DLGAP2: variants seen among roughly 807,000 people sequenced by gnomAD.
The protein encoded by DLGAP2 is DLG associated protein 2.
A neutral mutation model predicts 100.3 loss-of-function variants in DLGAP2; 26 were observed. The ratio of observed to expected loss-of-function variants is 0.26; its 90% CI spans 0.19 to 0.36. The LOEUF (loss-of-function observed/expected upper bound fraction) is 0.36, where lower values mean the gene tolerates loss of function less well. Ranked by LOEUF, DLGAP2 falls within the 10% of genes least tolerant of loss-of-function variation. The pLI, the probability that DLGAP2 is intolerant of heterozygous loss-of-function variation, is 1.00. For synonymous variants in DLGAP2, 886 were observed against 630.1 expected (o/e 1.41, Z -6.08); for missense variants, 1,858 against 1,453.2 (o/e 1.28, Z -4.53).
intron 3 of DLGAP2, among the ~76,000 whole-genome samples, chr8:1,421,549 T>C (rs1193312772): frequency 6.6e-6 from 1 of 152,226 alleles, no homozygotes; most frequent in Admixed American, 6.5e-5. Flanking sequence ...AATTTAGTTA[T>C]TTCATTAAAG....
chr8:974,817 A>G (rs997141209), intron 2 of DLGAP2, among the ~76,000 whole-genome samples: 3 of 152,212 alleles, frequency 2.0e-5, no homozygotes, highest in Admixed American at 1.3e-4. Context: ...AAAATCAATC[A>G]TCTAAACTTC....
intron 2 of DLGAP2, among the ~76,000 whole-genome samples, chr8:1,177,384 C>T (rs1477468531): frequency 6.6e-6 from 1 of 151,982 alleles, no homozygotes; most frequent in Admixed American, 6.6e-5. Flanking sequence ...AATGTGTGGT[C>T]TCCTGGCCCG....
intron 2 of DLGAP2, among the ~76,000 whole-genome samples, chr8:1,093,470 C>G (rs910674097): frequency 6.6e-6 from 1 of 151,876 alleles, no homozygotes; most frequent in African/African-American, 2.4e-5. Flanking sequence ...AACAGCCAGA[C>G]AGAAACACCT....
chr8:1,671,935 C>T (rs1798700182), intron 10 of DLGAP2, among the ~76,000 whole-genome samples: 1 of 152,268 alleles, frequency 6.6e-6, no homozygotes, highest in African/African-American at 2.4e-5. Flanking sequence ...ACCTCGGAGA[C>T]GTCCTCTGAC....
chr8:1,098,397 G>A (rs957777999), intron 2 of DLGAP2, among the ~76,000 whole-genome samples: 3 of 152,186 alleles, frequency 2.0e-5, no homozygotes, highest in African/African-American at 7.2e-5. Flanking sequence ...GACACCCGAC[G>A]TGTGACTGGC....
intron 1 of DLGAP2, among the ~76,000 whole-genome samples, chr8:884,743 C>G (rs1267094380): frequency 6.6e-6 from 1 of 152,148 alleles, no homozygotes; most frequent in Admixed American, 6.5e-5. Context: ...AGGTTTTCTT[C>G]TAGGATTTTT....
At chr8:1,617,813 A>G (rs977080002) in intron 6 of DLGAP2, among the ~76,000 whole-genome samples, 3 of 152,228 alleles carry the variant, frequency 2.0e-5, no homozygotes, top group Non-Finnish European at 2.9e-5. Context: ...CTAAAGCTCA[A>G]TGTTAAAAAT....
intron 3 of DLGAP2, among the ~76,000 whole-genome samples, chr8:1,384,344 G>A (rs55864518): frequency 0.19 from 22,969 of 121,282 alleles, 2,200 homozygotes; most frequent in Non-Finnish European, 0.2. Flanking sequence ...GCCTGTGCCC[G>A]GCCCCTGAGA....
At chr8:1,645,867 T>G (rs916303667) in intron 8 of DLGAP2, among the ~76,000 whole-genome samples, 1 of 152,224 alleles carries the variant, frequency 6.6e-6, no homozygotes, top group Non-Finnish European at 1.5e-5. Flanking sequence ...CTGTGAAGCA[T>G]CACATGGAAA....
chr8:1,119,289 C>A (rs1563201694), intron 2 of DLGAP2, among the ~76,000 whole-genome samples: 1 of 152,200 alleles, frequency 6.6e-6, no homozygotes, highest in Non-Finnish European at 1.5e-5. Flanking sequence ...ATAATATAAG[C>A]TTGTTAATTC....
At chr8:1,592,568 G>A (rs182760559) in intron 6 of DLGAP2, among the ~76,000 whole-genome samples, 209 of 152,128 alleles carry the variant, frequency 1.4e-3, no homozygotes, top group Non-Finnish European at 2.4e-3. Context: ...CCAGCCGAGG[G>A]GGTTCCCACC....
chr8:1,141,179 C>T (rs1256481639), intron 2 of DLGAP2, among the ~76,000 whole-genome samples: 11 of 152,150 alleles, frequency 7.2e-5, no homozygotes, highest in Non-Finnish European at 1.5e-4. Flanking sequence ...TACGTGGGGG[C>T]TGGGTCATGA....
At chr8:904,125 A>G (rs920891151) in intron 1 of DLGAP2, among the ~76,000 whole-genome samples, 1 of 152,248 alleles carries the variant, frequency 6.6e-6, no homozygotes, top group East Asian at 1.9e-4. Flanking sequence ...TCCACTGCAT[A>G]TGACGAGGCC....
rs116636539 is a variant in DLGAP2, at chr8:1,120,707, G to A, written c.74-138144G>A. The stretch of plus-strand genomic sequence containing the variant: ...GCCTATCCTGGTATCTTTAGAATCC[G>A]TTACCGCCCATTCTAGACTTTGCAG... On this transcript the variant is annotated intron_variant, in intron 2 of 14. Transcript: ENST00000637795. Among the ~76,000 whole-genome samples the A allele has an allele frequency of 2.8e-3, 421 of 151,430 alleles. 2 individuals carry two copies. Among genetic ancestry groups the A allele is most frequent in the African/African-American group, 7.0e-3 (289 of 41,190 alleles).
chr8:1,506,420 G>C (rs564528672), intron 4 of DLGAP2, among the ~76,000 whole-genome samples: 8 of 152,180 alleles, frequency 5.3e-5, no homozygotes, highest in Non-Finnish European at 1.2e-4. Context: ...TTAATGTTCA[G>C]ACGTTTTTGG....
chr8:1,701,032 G>C (rs1799550926), intron 14 of DLGAP2, among the ~76,000 whole-genome samples, 156 bp from the exon 15 acceptor site: 1 of 152,170 alleles, frequency 6.6e-6, no homozygotes, highest in Admixed American at 6.5e-5. Flanking sequence ...TGGCCTGGGA[G>C]CCGGGGACCA....
chr8:1,421,460 A>G (rs1478823739), intron 3 of DLGAP2, among the ~76,000 whole-genome samples: 1 of 152,222 alleles, frequency 6.6e-6, no homozygotes, highest in Non-Finnish European at 1.5e-5. Flanking sequence ...GGCCAACACA[A>G]TCTGAAAATG....
chr8:1,503,354 C>G (rs1001264252), intron 4 of DLGAP2, among the ~76,000 whole-genome samples: 3 of 151,510 alleles, frequency 2.0e-5, no homozygotes, highest in Non-Finnish European at 2.9e-5. Flanking sequence ...CTCCAGGGCC[C>G]TCCTAGAAGT....
intron 2 of DLGAP2, among the ~76,000 whole-genome samples, chr8:1,171,257 T>C (rs1797122262): frequency 6.6e-6 from 1 of 152,218 alleles, no homozygotes; most frequent in South Asian, 2.1e-4. Flanking sequence ...TAGTTTGTTA[T>C]AATTTCTGTT....
Sources: allele counts gnomAD v4.1 joint callset (sites outside exome capture counted in the v4.1 genomes callset), GRCh38; gene constraint gnomAD v4.1.1; transcripts MANE v1.5; gene names NCBI Gene and HGNC (gene_info 2026-07-23, HGNC 2026-07-21).